CLYBL: variants seen among roughly 807,000 people sequenced by gnomAD.
The protein encoded by CLYBL is citramalyl-CoA lyase, mitochondrial.
CLYBL carries 31 observed loss-of-function variants against 38.9 expected under a neutral mutation model. That is an observed-to-expected ratio of 0.80 (90% confidence interval 0.60 to 1.08). The LOEUF is 1.08. CLYBL is among the 50% of genes least tolerant of loss of function. The pLI is 0.00. For missense variants in CLYBL, 434 were observed against 411.6 expected (o/e 1.05, Z -0.47); for synonymous variants, 171 against 158.6 (o/e 1.08, Z -0.59).
At chr13:99,731,158 A>C (rs1035899027) in intron 1 of CLYBL, among the ~76,000 whole-genome samples, 3 of 151,206 alleles carry the variant, frequency 2.0e-5, no homozygotes, top group African/African-American at 7.3e-5. Context: ...GTACTTTGTT[A>C]ATATAGACCA....
chr13:99,790,754 G>A (rs1309985145), intron 2 of CLYBL, among the ~76,000 whole-genome samples: 1 of 152,152 alleles, frequency 6.6e-6, no homozygotes, highest in African/African-American at 2.4e-5. Context: ...TGGGCTGCTG[G>A]TCCTTCAGGC....
chr13:99,721,193 A>C (rs1168000023), intron 1 of CLYBL, among the ~76,000 whole-genome samples: 1 of 151,592 alleles, frequency 6.6e-6, no homozygotes, highest in Non-Finnish European at 1.5e-5. Context: ...ACAGGCACCC[A>C]CCACCACGCC....
chr13:99,653,754 A>C (rs1419817059), intron 1 of CLYBL, among the ~76,000 whole-genome samples: 2 of 151,898 alleles, frequency 1.3e-5, no homozygotes, highest in Non-Finnish European at 2.9e-5. Context: ...GGACGCTGAC[A>C]GTGTGGTTTT....
Position 99,695,463 on chromosome 13 carries a change from C to CGT in CLYBL, c.63-77360_63-77359dup, listed in dbSNP as rs576006525. Among the ~76,000 whole-genome samples, 21 of 152,126 alleles carry CGT rather than the reference C, an allele frequency of 1.4e-4. No homozygotes were observed. In the South Asian group the frequency reaches 4.4e-3, roughly 32 times the overall value. On this transcript the variant is annotated intron_variant, in intron 1 of 8. Transcript: ENST00000339105. ...GAGAGAACAAAAGGGTTTGATGTAG[C>CGT]GTAATAAACTTAGCAAGCCCGTTCA...
At chr13:99,785,887 C>T (rs1277133034) in intron 2 of CLYBL, among the ~76,000 whole-genome samples, 1 of 152,150 alleles carries the variant, frequency 6.6e-6, no homozygotes, top group African/African-American at 2.4e-5. Flanking sequence ...TGAGCCACTG[C>T]GCTTGGCAAT....
At chr13:99,896,091 G>GCGGAGC (rs1216280175), downstream of CLYBL, 3 of 150,656 alleles carry the variant, frequency 2.0e-5, no homozygotes, top group Admixed American at 1.3e-4. Flanking sequence ...CCCGGTGCGC[G>GCGGAGC]CGGAGCCGGG....
At chr13:99,799,916 G>A (rs866688466) in intron 2 of CLYBL, among the ~76,000 whole-genome samples, 1 of 152,222 alleles carries the variant, frequency 6.6e-6, no homozygotes, top group Non-Finnish European at 1.5e-5. Flanking sequence ...GGCCTGCAGC[G>A]GTGTGGTGTG....
Position 99,640,898 on chromosome 13 carries a change from G to C in CLYBL, c.62+34141G>C, listed in dbSNP as rs1361259972. On this transcript the variant is annotated intron_variant, in intron 1 of 8. Transcript: ENST00000339105. The stretch of plus-strand genomic sequence containing the variant: ...ATACGAATATATGGTGGACAGTGCA[G>C]ATCCAAGCTACTCCTGCTAACACAT... Among the ~76,000 whole-genome samples the C allele has an allele frequency of 2.0e-5, 3 of 152,220 alleles. No individual in the cohort carries two copies. The South Asian group carries it at 6.2e-4, about 31-fold the overall frequency.
At chr13:99,787,250 G>A (rs1207260635) in intron 2 of CLYBL, among the ~76,000 whole-genome samples, 1 of 152,144 alleles carries the variant, frequency 6.6e-6, no homozygotes, top group Non-Finnish European at 1.5e-5. Context: ...TGTTTTTGGT[G>A]TTTTAGACAT....
At chr13:99,750,538 G>T (rs997723414) in intron 1 of CLYBL, among the ~76,000 whole-genome samples, 2 of 151,990 alleles carry the variant, frequency 1.3e-5, no homozygotes, top group Non-Finnish European at 2.9e-5. Flanking sequence ...GCCAGGCATG[G>T]TAGCAGGCAC....
intron 2 of CLYBL, among the ~76,000 whole-genome samples, chr13:99,802,646 A>G (rs1334756724): frequency 6.6e-6 from 1 of 152,190 alleles, no homozygotes. Flanking sequence ...GTGACTCCAT[A>G]AATGACTGGT....
At chr13:99,862,247 A>G (rs2051621145) in intron 3 of CLYBL, among the ~76,000 whole-genome samples, 1 of 152,182 alleles carries the variant, frequency 6.6e-6, no homozygotes, top group African/African-American at 2.4e-5. Flanking sequence ...CCCACATCTT[A>G]TTAGATCTAG....
intron 4 of CLYBL, among the ~76,000 whole-genome samples, chr13:99,864,364 G>T (rs2051686109): frequency 6.6e-6 from 1 of 152,104 alleles, no homozygotes; most frequent in East Asian, 1.9e-4. Context: ...TTCCCCTCCG[G>T]AGTTGCAGGT....
intron 1 of CLYBL, among the ~76,000 whole-genome samples, chr13:99,738,281 G>A (rs1039302127): frequency 2.0e-5 from 3 of 152,164 alleles, no homozygotes; most frequent in Non-Finnish European, 4.4e-5. Context: ...ATAGGCTTCT[G>A]TGTATTTGTA....
intron 1 of CLYBL, among the ~76,000 whole-genome samples, chr13:99,713,757 C>T (rs887111957): frequency 3.3e-5 from 5 of 152,060 alleles, no homozygotes; most frequent in African/African-American, 4.8e-5. Context: ...AATCATGGCT[C>T]ATTGCAGCCT....
At chr13:99,745,733 G>A (rs1430171183) in intron 1 of CLYBL, among the ~76,000 whole-genome samples, 2 of 152,162 alleles carry the variant, frequency 1.3e-5, no homozygotes, top group Non-Finnish European at 2.9e-5. Flanking sequence ...CGTGATCACA[G>A]CTTGTATTCA....
intron 1 of CLYBL, among the ~76,000 whole-genome samples, chr13:99,765,269 T>C (rs1477805726): frequency 2.0e-5 from 3 of 152,192 alleles, no homozygotes; most frequent in South Asian, 2.1e-4. Flanking sequence ...ATGGTGTCCA[T>C]TGAGAACTGC....
intron 4 of CLYBL, among the ~76,000 whole-genome samples, chr13:99,864,097 T>C (rs979568014): frequency 6.6e-6 from 1 of 152,216 alleles, no homozygotes; most frequent in Non-Finnish European, 1.5e-5. Flanking sequence ...ATTCATCCAG[T>C]GATTTAATTT....
At position 99,656,035 on chromosome 13, in the gene CLYBL, G is replaced by A. The variant is rs148512084; in HGVS notation, c.62+49278G>A. Among the ~76,000 whole-genome samples the A allele has an allele frequency of 8.5e-3, 1,293 of 152,264 alleles. 6 individuals are homozygous for A. Among genetic ancestry groups the A allele is most frequent in the South Asian group, 0.038 (184 of 4,820 alleles). The stretch of plus-strand genomic sequence containing the variant: ...TCCTGCACAGCTCTGTGACAGTCTC[G>A]CGGGGAGACCTGTGAGGCCACTTTC... On this transcript the variant is annotated intron_variant, in intron 1 of 8. Transcript: ENST00000339105.
Sources: gnomAD v4.1 joint callset for allele counts (sites outside exome capture counted in the v4.1 genomes callset) on GRCh38, gnomAD v4.1.1 for gene constraint, MANE v1.5 for transcripts, NCBI Gene and HGNC (gene_info 2026-07-23, HGNC 2026-07-21) for gene names.